LRRTM4: variants seen among roughly 807,000 people sequenced by gnomAD.
LRRTM4 encodes the protein leucine-rich repeat transmembrane neuronal protein 4.
A neutral mutation model predicts 47.6 loss-of-function variants in LRRTM4; 25 were observed. The observed-to-expected ratio is 0.53, with a 90% CI of 0.38 to 0.73. The LOEUF is 0.73. Ranked by LOEUF, LRRTM4 falls within the 30% of genes least tolerant of loss-of-function variation. The probability of loss-of-function intolerance (pLI) is 0.00; values close to 1 mark genes in which losing one functional copy is unlikely to be tolerated. For missense variants in LRRTM4, 638 were observed against 713.4 expected, an observed-to-expected ratio of 0.89 and a Z score of 1.20; for synonymous variants, 311 against 269.5, an observed-to-expected ratio of 1.15 and a Z score of -1.51.
intron 3 of LRRTM4, among the ~76,000 whole-genome samples, chr2:76,998,650 T>A (rs1042699487): frequency 4.6e-5 from 7 of 151,902 alleles, no homozygotes; most frequent in Middle Eastern, 6.8e-3. Context: ...GCTATAAAAT[T>A]TACGTGTATC....
chr2:76,928,085 C>T (rs759229885), intron 3 of LRRTM4, among the ~76,000 whole-genome samples: 1 of 152,054 alleles, frequency 6.6e-6, no homozygotes, highest in African/African-American at 2.4e-5. Flanking sequence ...TATGGCTTTA[C>T]ATGAGACATA....
At chr2:76,885,617 C>T (rs2104125999) in intron 3 of LRRTM4, among the ~76,000 whole-genome samples, 1 of 152,124 alleles carries the variant, frequency 6.6e-6, no homozygotes, top group Non-Finnish European at 1.5e-5. Context: ...CGCCCACCGC[C>T]ACCACGTCCG....
rs202081683 is a variant in LRRTM4 at position 76,839,742 on chromosome 2, AGTTT to A, written c.1552-90830_1552-90827del. Reference sequence around the variant, plus strand: ...TAAATAGATTTCCTTATCAAATAATAGTTTGTTTATGATTCTAATACTTTTAAAG... The same window carrying A: ...TAAATAGATTTCCTTATCAAATAATAGTTTATGATTCTAATACTTTTAAAG... On this transcript the variant is annotated intron_variant, in intron 3 of 3. Coordinates refer to ENST00000409884, the MANE Select transcript of LRRTM4 (RefSeq NM_001134745.3). Among the ~76,000 whole-genome samples, 684 of 152,262 alleles carry A rather than the reference AGTTT, an allele frequency of 4.5e-3. 3 individuals are homozygous for A. The highest frequency in any genetic ancestry group is 0.025 in the East Asian group (129 of 5,178).
At chr2:77,453,196 T>C (rs919079750) in intron 3 of LRRTM4, among the ~76,000 whole-genome samples, 53 of 147,072 alleles carry the variant, frequency 3.6e-4, no homozygotes, top group African/African-American at 1.3e-3. Flanking sequence ...TTTTTTTTTT[T>C]TTTGAGATAG....
At chr2:77,467,677 T>C (rs886693508) in intron 3 of LRRTM4, among the ~76,000 whole-genome samples, 1 of 152,188 alleles carries the variant, frequency 6.6e-6, no homozygotes, top group African/African-American at 2.4e-5. Context: ...ATTGAGTTCA[T>C]ACGTAATGTT....
chr2:77,292,981 T>A, intron 3 of LRRTM4, among the ~76,000 whole-genome samples: 1 of 151,856 alleles, frequency 6.6e-6, no homozygotes, highest in East Asian at 1.9e-4. Context: ...AAACTTAAAG[T>A]ATAATAATAA....
intron 3 of LRRTM4, among the ~76,000 whole-genome samples, chr2:77,185,543 G>C (rs1159023387): frequency 3.9e-5 from 6 of 152,050 alleles, no homozygotes; most frequent in Non-Finnish European, 8.8e-5. Flanking sequence ...AAGTGACCAA[G>C]GTCACACAGC....
At chr2:76,901,926 C>A (rs1368985689) in intron 3 of LRRTM4, among the ~76,000 whole-genome samples, 2 of 152,106 alleles carry the variant, frequency 1.3e-5, no homozygotes, top group Non-Finnish European at 2.9e-5. Flanking sequence ...CATATATAAT[C>A]TTAATTCCTT....
At chr2:77,484,881 A>G (rs1677850335) in intron 3 of LRRTM4, among the ~76,000 whole-genome samples, 1 of 152,190 alleles carries the variant, frequency 6.6e-6, no homozygotes, top group South Asian at 2.1e-4. Flanking sequence ...ACCCAAGCAC[A>G]AAGAGAAGTT....
intron 3 of LRRTM4, among the ~76,000 whole-genome samples, chr2:77,405,981 A>C (rs2103846587): frequency 6.6e-6 from 1 of 152,274 alleles, no homozygotes; most frequent in African/African-American, 2.4e-5. Context: ...TTTGTCCTAT[A>C]ATGAAGCTTA....
chr2:77,297,501 A>G (rs1416030501), intron 3 of LRRTM4, among the ~76,000 whole-genome samples: 1 of 152,166 alleles, frequency 6.6e-6, no homozygotes, highest in Non-Finnish European at 1.5e-5. Context: ...AGACTTTAGA[A>G]GTTTGATCTT....
chr2:77,008,909 T>A (rs1413608918), intron 3 of LRRTM4: 1 of 149,240 alleles, frequency 6.7e-6, no homozygotes, highest in African/African-American at 2.5e-5. Context: ...TACAGTATGC[T>A]AGGTCTCAAG....
At chr2:76,783,060 G>GGT (rs1674486458) in intron 3 of LRRTM4, among the ~76,000 whole-genome samples, 1 of 148,834 alleles carries the variant, frequency 6.7e-6, no homozygotes, top group Admixed American at 6.6e-5. Context: ...CACATGCTTA[G>GGT]GTGCAGGAAG....
rs1056750132 is a variant in LRRTM4 at position 77,172,012 on chromosome 2, G to A, written c.1551+346306C>T. On this transcript the variant is annotated intron_variant, in intron 3 of 3. Transcript: ENST00000409884. ...GAAATTTGAAATCTCACATAGTGTC[G>A]CTGCGATCAACCTCAGCTATCAATT... Among the ~76,000 whole-genome samples, 6 of 152,086 alleles carry A rather than the reference G, an allele frequency of 3.9e-5. No individual in the cohort carries two copies. The South Asian group carries it at 1.0e-3, about 26-fold the overall frequency.
intron 3 of LRRTM4, among the ~76,000 whole-genome samples, chr2:77,269,454 C>T (rs1018504962): frequency 2.0e-5 from 3 of 152,078 alleles, no homozygotes; most frequent in African/African-American, 7.2e-5. Flanking sequence ...ACAATTAACA[C>T]ATTGCATTGT....
At chr2:77,247,423 G>GA (rs1478670144) in intron 3 of LRRTM4, among the ~76,000 whole-genome samples, 2 of 151,934 alleles carry the variant, frequency 1.3e-5, no homozygotes, top group Non-Finnish European at 2.9e-5. Context: ...TTACATACGT[G>GA]AAAAAACCGT....
At chr2:77,220,057 C>G (rs1674575071) in intron 3 of LRRTM4, among the ~76,000 whole-genome samples, 1 of 152,072 alleles carries the variant, frequency 6.6e-6, no homozygotes, top group African/African-American at 2.4e-5. Flanking sequence ...CCAATATCTG[C>G]TGTTCTGCAA....
At chr2:77,248,790 T>C (rs997631225) in intron 3 of LRRTM4, among the ~76,000 whole-genome samples, 3 of 152,082 alleles carry the variant, frequency 2.0e-5, no homozygotes, top group Non-Finnish European at 2.9e-5. Context: ...GACAATATAA[T>C]GGAGAAGAAC....
At chr2:76,964,947 A>T (rs1675976022) in intron 3 of LRRTM4, among the ~76,000 whole-genome samples, 1 of 150,924 alleles carries the variant, frequency 6.6e-6, no homozygotes. Context: ...ATTTAGGTAA[A>T]ATTAATACAA....
Sources: gnomAD v4.1 joint callset for allele counts (sites outside exome capture counted in the v4.1 genomes callset) on GRCh38, gnomAD v4.1.1 for gene constraint, MANE v1.5 for transcripts, NCBI Gene and HGNC (gene_info 2026-07-23, HGNC 2026-07-21) for gene names.